Variants in VPS13A observed in about 807,000 individuals in gnomAD.
VPS13A encodes the protein intermembrane lipid transfer protein VPS13A.
Under a neutral mutation model 390.9 loss-of-function variants are expected in VPS13A, and 264 were observed. The ratio of observed to expected loss-of-function variants is 0.68; its 90% CI spans 0.61 to 0.75. The LOEUF is 0.75. VPS13A is among the 30% of genes least tolerant of loss of function. VPS13A has a pLI of 0.00. For synonymous variants in VPS13A, 1,231 were observed against 1,227.1 expected, an observed-to-expected ratio of 1.00 and a Z score of -0.07; for missense variants, 3,409 against 3,733.9, an observed-to-expected ratio of 0.91 and a Z score of 2.27.
intron 71 of VPS13A, among the ~76,000 whole-genome samples, chr9:77,413,770 G>T (rs1054656311): frequency 6.6e-6 from 1 of 152,168 alleles, no homozygotes; most frequent in African/African-American, 2.4e-5. Context: ...GAGAGCTTCT[G>T]CACAGCAAAA....
At chr9:77,183,323 G>T (rs1043790378) in intron 1 of VPS13A, among the ~76,000 whole-genome samples, 1 of 152,162 alleles carries the variant, frequency 6.6e-6, no homozygotes, top group Non-Finnish European at 1.5e-5. Context: ...GAACATATCT[G>T]TCATACCTAG....
At chr9:77,238,920 ATTGG>A (rs902251673) in intron 19 of VPS13A, among the ~76,000 whole-genome samples, 3 of 152,088 alleles carry the variant, frequency 2.0e-5, no homozygotes, top group African/African-American at 7.2e-5. Flanking sequence ...ATGCTTTGTA[ATTGG>A]TTGGGACTTG....
chr9:77,335,608 A>G (rs1217696160), intron 46 of VPS13A, among the ~76,000 whole-genome samples: 3 of 152,248 alleles, frequency 2.0e-5, no homozygotes, highest in Non-Finnish European at 2.9e-5. Flanking sequence ...AAAAAAGCTC[A>G]TCATTACTGG....
At chr9:77,216,674 C>A in intron 10 of VPS13A, among the ~76,000 whole-genome samples, 1 of 152,000 alleles carries the variant, frequency 6.6e-6, no homozygotes, top group Non-Finnish European at 1.5e-5. Flanking sequence ...TCTAGAGGGA[C>A]AGAACTAATA....
chr9:77,353,332 G>A (rs1831572712), intron 53 of VPS13A, 77 bp from the exon 54 acceptor site: 2 of 1,150,072 alleles, frequency 1.7e-6, no homozygotes, highest in African/African-American at 3.2e-5. Flanking sequence ...TTATAAATGT[G>A]AAATCTAAAT....
chr9:77,419,585 C>G lies in VPS13A; in HGVS notation c.*3579C>G, dbSNP rs754195468. ...TTTTGAGTGAGAAGATGGAATCACT[C>G]TTGGTTTCTAAAATATTTTTCTTCT... is the stretch of plus-strand genomic sequence containing the variant. On this transcript the variant is annotated 3_prime_UTR_variant, in exon 72 of 72. Transcript: ENST00000360280. 8 of 152,130 alleles carry G rather than the reference C, an allele frequency of 5.3e-5. No individual in the cohort carries two copies. Among genetic ancestry groups the G allele is most frequent in the Non-Finnish European group, 1.0e-4 (7 of 68,038 alleles). The allele number at this position is 152,130 out of a possible 1,614,324, so 9.4% of individuals were successfully genotyped here.
chr9:77,269,633 T>C (rs914223677), intron 23 of VPS13A, among the ~76,000 whole-genome samples: 5 of 152,216 alleles, frequency 3.3e-5, no homozygotes, highest in Admixed American at 3.3e-4. Context: ...TATTGAGTCT[T>C]TCAGTTCATT....
chr9:77,220,275 A>C lies in VPS13A; in HGVS notation c.883-2A>C. On this transcript the variant is annotated splice_acceptor_variant, in intron 11 of 71. Transcript: ENST00000360280. LOFTEE classifies it high-confidence loss of function. ...TAAGAGCTTTAATTTTCCATTCTTTAGTATTTCAGTATTATGGAGCTTCTT... is the reference window on the plus strand; with the variant it reads ...TAAGAGCTTTAATTTTCCATTCTTTCGTATTTCAGTATTATGGAGCTTCTT... 1 of 1,607,644 alleles carries C rather than the reference A, an allele frequency of 6.2e-7. No homozygotes were observed. The highest frequency in any genetic ancestry group is 1.1e-5 in the South Asian group (1 of 90,238).
At chr9:77,199,647 A>G (rs1825208746) in intron 1 of VPS13A, among the ~76,000 whole-genome samples, 1 of 152,104 alleles carries the variant, frequency 6.6e-6, no homozygotes, top group Admixed American at 6.5e-5. Flanking sequence ...TTGATCTTGT[A>G]TCATGCTACT....
intron 1 of VPS13A, among the ~76,000 whole-genome samples, chr9:77,179,980 T>G (rs1373604563): frequency 1.3e-5 from 2 of 152,210 alleles, no homozygotes; most frequent in African/African-American, 2.4e-5. Flanking sequence ...CTTTTGTTTC[T>G]GGCTTCTTTA....
chr9:77,255,147 T>C (rs1194768895), intron 22 of VPS13A, among the ~76,000 whole-genome samples: 5 of 152,136 alleles, frequency 3.3e-5, no homozygotes, highest in African/African-American at 1.2e-4. Context: ...ATGACCTTTA[T>C]TATGTTGAGG....
chr9:77,404,848 C>T (rs1834526181), intron 69 of VPS13A, among the ~76,000 whole-genome samples: 1 of 152,154 alleles, frequency 6.6e-6, no homozygotes, highest in Non-Finnish European at 1.5e-5. Context: ...TGGAGATGTC[C>T]TGGGGCACCA....
chr9:77,306,115 A>G (rs907470214), intron 34 of VPS13A, among the ~76,000 whole-genome samples: 1 of 152,220 alleles, frequency 6.6e-6, no homozygotes, highest in Non-Finnish European at 1.5e-5. Context: ...TAAAGAATGA[A>G]GGAATGAAAG....
At position 77,323,007 on chromosome 9, in the gene VPS13A, T is replaced by C. The variant is rs2131454365; in HGVS notation, c.5831-60T>C. 3.1e-6 allele frequency: 4 copies of C among 1,307,362 alleles called. No homozygotes were observed. The South Asian group carries it at 5.3e-5, about 17-fold the overall frequency. 81.0% of individuals were successfully genotyped at this position (1,307,362 alleles called of 1,614,324 possible). ...TCTGAAATTTCTAATATGTAACATA[T>C]GTAAAATTAATATGTAATGAATTAT... On this transcript the variant is annotated intron_variant, in intron 44 of 71. Coordinates refer to ENST00000360280, the MANE Select transcript of VPS13A (RefSeq NM_033305.3).
chr9:77,381,918 G>A, intron 67 of VPS13A, 58 bp from the exon 68 acceptor site: 1 of 1,139,390 alleles, frequency 8.8e-7, no homozygotes, highest in East Asian at 2.6e-5. Context: ...GCATTTTATA[G>A]TTTATTTACA....
intron 10 of VPS13A, 29 bp from the exon 11 acceptor site, chr9:77,219,925 G>T: frequency 6.2e-7 from 1 of 1,609,508 alleles, no homozygotes. Flanking sequence ...ATATAACTCA[G>T]TTTTTTTTCC....
In VPS13A at chr9:77,368,113, G is replaced by A; in HGVS notation, c.8530G>A (p.Val2844Ile). ...TACAACATCCGATCTACAGTCTGAA[G>A]TCATAAGACACTATTCAAAACAGGT... ...FHTTSDLQSEVIRHYSKQAIK... is the reference protein window; with the variant it reads ...FHTTSDLQSEIIRHYSKQAIK... The change falls in exon 62 of 72, where the codon GTC becomes ATC. Residue 2844 changes from valine (V) to isoleucine (I), a missense_variant. Physicochemically the swap from Val to Ile is conservative, Grantham distance 29. This residue lies in a region of VPS13A where 123 missense variants were observed against 118.7 expected (regional missense o/e 1.04). Transcript: ENST00000360280. The A allele has an allele frequency of 6.2e-7, 1 of 1,612,286 alleles. No homozygotes were observed. Among genetic ancestry groups the A allele is most frequent in the Non-Finnish European group, 8.5e-7 (1 of 1,179,456 alleles).
chr9:77,310,343 C>A (rs1828997988), intron 35 of VPS13A, among the ~76,000 whole-genome samples: 1 of 151,970 alleles, frequency 6.6e-6, no homozygotes, highest in South Asian at 2.1e-4. Context: ...AAAAAAAAAG[C>A]CATATGGAAG....
At chr9:77,382,912 G>C in intron 68 of VPS13A, 4 of 985,220 alleles carry the variant, frequency 4.1e-6, no homozygotes, top group Non-Finnish European at 3.6e-6. Flanking sequence ...TTATGCTGTA[G>C]GTAACTAGTA....
Sources: gnomAD v4.1 joint callset for allele counts (sites outside exome capture counted in the v4.1 genomes callset) on GRCh38, gnomAD v4.1.1 for gene constraint, gnomAD v4.1.1 regional missense constraint, MANE v1.5 for transcripts, NCBI Gene and HGNC (gene_info 2026-07-23, HGNC 2026-07-21) for gene names.